The following CPA6 variants were observed in gnomAD, a reference collection of about 807,000 sequenced individuals.
CPA6 encodes carboxypeptidase A6.
In CPA6, 58 loss-of-function variants were observed where a neutral mutation model predicts 63.3. The observed-to-expected ratio is 0.92, with a 90% confidence interval of 0.74 to 1.14. CPA6 has a LOEUF of 1.14. Among genes scored for constraint, CPA6 ranks in the 50% most tolerant of loss-of-function variants. The pLI is 0.00. For missense variants in CPA6, 565 were observed against 526.6 expected (o/e 1.07, Z -0.71); for synonymous variants, 185 against 179.0 (o/e 1.03, Z -0.27).
chr8:67,620,973 G>A (rs1213123315), intron 2 of CPA6, among the ~76,000 whole-genome samples: 5 of 152,202 alleles, frequency 3.3e-5, no homozygotes, highest in African/African-American at 4.8e-5. Context: ...TGCAAATAAT[G>A]TAGTTCATGC....
intron 3 of CPA6, among the ~76,000 whole-genome samples, chr8:67,516,953 C>G (rs1347223317): frequency 6.6e-6 from 1 of 152,056 alleles, no homozygotes; most frequent in East Asian, 1.9e-4. Flanking sequence ...CGTACCACTA[C>G]ACCCAGCTAA....
At chr8:67,560,736 G>A (rs776506579) in intron 2 of CPA6, among the ~76,000 whole-genome samples, 1 of 151,988 alleles carries the variant, frequency 6.6e-6, no homozygotes, top group Non-Finnish European at 1.5e-5. Flanking sequence ...CTGACACTAG[G>A]GCCTTGAGCA....
chr8:67,433,871 G>T (rs992910701), intron 9 of CPA6, among the ~76,000 whole-genome samples, 167 bp downstream of exon 9: 1 of 152,148 alleles, frequency 6.6e-6, no homozygotes, highest in Non-Finnish European at 1.5e-5. Flanking sequence ...GATAATAAAA[G>T]CTGCCTCATA....
At position 67,442,209 on chromosome 8, in the gene CPA6, G is replaced by A. The variant is rs144817024; in HGVS notation, c.839-7969C>T. 9.5e-4 allele frequency among the ~76,000 whole-genome samples: 144 copies of A among 152,138 alleles called. 1 individual carries two copies. The highest frequency in any genetic ancestry group is 3.7e-3 in the Admixed American group (57 of 15,266). ...AAAATTTTTGAATACTTCTGTTCTA[G>A]ATGCTATGTTATGCATTGGGGATCA... On this transcript the variant is annotated intron_variant, in intron 8 of 10. Coordinates refer to ENST00000297770, the MANE Select transcript of CPA6 (RefSeq NM_020361.5).
At chr8:67,577,817 G>A (rs908336600) in intron 2 of CPA6, among the ~76,000 whole-genome samples, 1 of 152,178 alleles carries the variant, frequency 6.6e-6, no homozygotes, top group Admixed American at 6.5e-5. Context: ...CAGCCCAGGG[G>A]CTGTATCCTG....
chr8:67,521,938 T>C (rs959144047), intron 2 of CPA6, among the ~76,000 whole-genome samples: 19 of 152,194 alleles, frequency 1.2e-4, no homozygotes, highest in African/African-American at 3.6e-4. Flanking sequence ...CTTTGGTAAA[T>C]TGAAGATGAT....
chr8:67,502,068 C>T (rs1811839908), intron 6 of CPA6, among the ~76,000 whole-genome samples: 1 of 152,118 alleles, frequency 6.6e-6, no homozygotes, highest in Non-Finnish European at 1.5e-5. Flanking sequence ...TTTATATCTT[C>T]AGAGTTTGTA....
At chr8:67,704,812 T>TC (rs1817098563) in intron 1 of CPA6, among the ~76,000 whole-genome samples, 1 of 152,308 alleles carries the variant, frequency 6.6e-6, no homozygotes, top group Admixed American at 6.5e-5. Flanking sequence ...TCCTTTGTTT[T>TC]CTCCTCTATT....
intron 3 of CPA6, 127 bp from the exon 4 acceptor site, chr8:67,511,782 C>A: frequency 1.6e-6 from 1 of 631,488 alleles, no homozygotes; most frequent in Non-Finnish European, 2.9e-6. Context: ...CTAAAAATAC[C>A]AAATGTTGGG....
intron 1 of CPA6, among the ~76,000 whole-genome samples, chr8:67,679,867 G>T (rs1563390056): frequency 6.6e-6 from 1 of 152,162 alleles, no homozygotes; most frequent in Non-Finnish European, 1.5e-5. Context: ...TCTGTTAGTG[G>T]TGCAGCATGT....
At chr8:67,590,152 T>C (rs543944818) in intron 2 of CPA6, among the ~76,000 whole-genome samples, 2 of 152,240 alleles carry the variant, frequency 1.3e-5, no homozygotes, top group South Asian at 4.1e-4. Flanking sequence ...TGGTTCTTTG[T>C]CCTTGCCATA....
chr8:67,687,555 G>A (rs1002877767), intron 1 of CPA6, among the ~76,000 whole-genome samples: 72 of 152,126 alleles, frequency 4.7e-4, no homozygotes, highest in Non-Finnish European at 5.4e-4. Context: ...TCTGCTAATG[G>A]GGTTGTTGGT....
intron 2 of CPA6, among the ~76,000 whole-genome samples, chr8:67,548,520 G>A (rs980253787): frequency 1.3e-5 from 2 of 151,818 alleles, no homozygotes; most frequent in Non-Finnish European, 2.9e-5. Context: ...AAAGTGCTGG[G>A]ATTATAGGCA....
chr8:67,507,309 T>G (rs916967006), intron 5 of CPA6, among the ~76,000 whole-genome samples: 1 of 152,074 alleles, frequency 6.6e-6, no homozygotes, highest in Admixed American at 6.6e-5. Context: ...AAAAGCTAAG[T>G]CCTCCCTCAT....
intron 1 of CPA6, among the ~76,000 whole-genome samples, chr8:67,624,792 A>G (rs1416700123): frequency 6.6e-6 from 1 of 152,182 alleles, no homozygotes; most frequent in Non-Finnish European, 1.5e-5. Context: ...TTGTGGGGCC[A>G]AACAAGAGGG....
chr8:67,731,658 G>A (rs1477595558), intron 1 of CPA6, among the ~76,000 whole-genome samples: 1 of 152,220 alleles, frequency 6.6e-6, no homozygotes, highest in Non-Finnish European at 1.5e-5. Flanking sequence ...TACTCTCCAG[G>A]ACTATTCTGT....
At chr8:67,608,277 T>C (rs367902150) in intron 2 of CPA6, among the ~76,000 whole-genome samples, 17 of 152,328 alleles carry the variant, frequency 1.1e-4, no homozygotes, top group African/African-American at 3.8e-4. Flanking sequence ...TGGCCCACCA[T>C]GTCCCCCTAT....
chr8:67,664,123 C>T (rs950740824), intron 1 of CPA6, among the ~76,000 whole-genome samples: 1 of 152,160 alleles, frequency 6.6e-6, no homozygotes, highest in African/African-American at 2.4e-5. Flanking sequence ...TTGTGGTGGT[C>T]TCACAAATGA....
chr8:67,571,763 T>A (rs1252149818), intron 2 of CPA6, among the ~76,000 whole-genome samples: 3 of 152,144 alleles, frequency 2.0e-5, no homozygotes, highest in Non-Finnish European at 2.9e-5. Flanking sequence ...ATAAACAATC[T>A]AATATCACAT....
Sources: allele counts gnomAD v4.1 joint callset (sites outside exome capture counted in the v4.1 genomes callset), GRCh38; gene constraint gnomAD v4.1.1; transcripts MANE v1.5; gene names NCBI Gene and HGNC (gene_info 2026-07-23, HGNC 2026-07-21).